Variants in KANSL1L observed in about 807,000 individuals in gnomAD.
KANSL1L encodes KAT8 regulatory NSL complex subunit 1 like.
Under a neutral mutation model 108.6 loss-of-function variants are expected in KANSL1L, and 25 were observed. The ratio of observed to expected loss-of-function variants is 0.23; its 90% CI spans 0.17 to 0.32. The LOEUF is 0.32. Ranked by LOEUF, KANSL1L falls within the 10% of genes least tolerant of loss-of-function variation. The probability of loss-of-function intolerance (pLI) is 1.00; values close to 1 mark genes in which losing one functional copy is unlikely to be tolerated. For missense variants in KANSL1L, 1,137 were observed against 1,125.7 expected (o/e 1.01, Z -0.14); for synonymous variants, 405 against 395.1 (o/e 1.03, Z -0.30).
intron 6 of KANSL1L, among the ~76,000 whole-genome samples, chr2:210,073,706 A>G (rs2094522916): frequency 1.3e-5 from 2 of 152,214 alleles, no homozygotes; most frequent in East Asian, 1.9e-4. Flanking sequence ...GAAAAAAAAG[A>G]AAGTTCTATG....
intron 12 of KANSL1L, chr2:210,026,519 A>C (rs890209380): frequency 6.6e-6 from 1 of 152,170 alleles, no homozygotes; most frequent in African/African-American, 2.4e-5. Context: ...AGAAACATTA[A>C]TGTCTGATTA....
At chr2:210,059,020 G>T (rs1165102627) in intron 6 of KANSL1L, among the ~76,000 whole-genome samples, 2 of 151,472 alleles carry the variant, frequency 1.3e-5, no homozygotes, top group Admixed American at 6.6e-5. Context: ...GAAATATCGG[G>T]GGTGAATTTT....
chr2:210,079,633 T>TAC (rs1489732367), intron 5 of KANSL1L, among the ~76,000 whole-genome samples: 2 of 6,482 alleles, frequency 3.1e-4, no homozygotes, highest in East Asian at 0.031. Context: ...TATATATATA[T>TAC]ATATATATAT....
chr2:210,097,190 C>T, intron 5 of KANSL1L: 6 of 890,448 alleles, frequency 6.7e-6, no homozygotes, highest in Non-Finnish European at 8.1e-6. Flanking sequence ...TGAAATCTGC[C>T]CACCTCAGCT....
At chr2:210,147,084 C>A (rs1057007381) in intron 2 of KANSL1L, among the ~76,000 whole-genome samples, 1 of 151,408 alleles carries the variant, frequency 6.6e-6, no homozygotes, top group African/African-American at 2.4e-5. Context: ...TCACGTTGCT[C>A]AAAAAAAAGC....
intron 6 of KANSL1L, among the ~76,000 whole-genome samples, chr2:210,058,046 C>CT (rs1257978540): frequency 2.0e-5 from 3 of 152,194 alleles, no homozygotes; most frequent in African/African-American, 7.2e-5. Flanking sequence ...ACCTTAAACT[C>CT]TGACTGCCAG....
At chr2:210,160,177 G>T (rs974557719) in intron 1 of KANSL1L, among the ~76,000 whole-genome samples, 2 of 152,094 alleles carry the variant, frequency 1.3e-5, no homozygotes, top group South Asian at 2.1e-4. Flanking sequence ...GAAGGAGAGG[G>T]AATGTCTTTA....
rs2093859809 is a variant in KANSL1L at position 210,021,768 on chromosome 2, C to A, written c.*1181G>T. ...AGTTATATAAATTGTCCTCAACTTT[C>A]ACATAGGAAAAAAATGGTTTAATAG... On this transcript the variant is annotated 3_prime_UTR_variant, in exon 15 of 15. Transcript: ENST00000281772. 1 of 151,758 alleles carries A rather than the reference C, an allele frequency of 6.6e-6. No individual in the cohort carries two copies. 9.4% of individuals were successfully genotyped at this position (151,758 alleles called of 1,614,324 possible). A position where few individuals can be genotyped will look rare whatever the true frequency, so the allele number is the denominator to read the frequency against.
chr2:210,164,735 A>G (rs2095377875), intron 1 of KANSL1L, among the ~76,000 whole-genome samples: 1 of 152,110 alleles, frequency 6.6e-6, no homozygotes, highest in African/African-American at 2.4e-5. Flanking sequence ...AAAATATATC[A>G]GTCCTCTTTC....
chr2:210,120,465 C>G (rs2095005380), intron 3 of KANSL1L, among the ~76,000 whole-genome samples: 1 of 152,024 alleles, frequency 6.6e-6, no homozygotes, highest in Non-Finnish European at 1.5e-5. Context: ...GAAACTGGAC[C>G]CCCTCCTTAC....
intron 6 of KANSL1L, among the ~76,000 whole-genome samples, chr2:210,052,915 A>G (rs1292105300): frequency 6.6e-6 from 1 of 152,246 alleles, no homozygotes; most frequent in Non-Finnish European, 1.5e-5. Context: ...TATTTCCTCA[A>G]TAGGAGTCCT....
In KANSL1L at chr2:210,043,809, G is replaced by A. The variant is rs1559510010; in HGVS notation, c.1921+130C>T. 5.7e-6 allele frequency: 3 copies of A among 522,486 alleles called. No individual in the cohort carries two copies. The East Asian group carries it at 9.7e-5, about 17-fold the overall frequency. 32.4% of individuals were successfully genotyped at this position (522,486 alleles called of 1,614,324 possible). A position where few individuals can be genotyped will look rare whatever the true frequency, so the allele number is the denominator to read the frequency against. ...CTCTACAACAAATTTAATTGTCAAG[G>A]CATTGCTTAGTTCTAATATCTACTG... On this transcript the variant is annotated intron_variant, in intron 7 of 14. Transcript: ENST00000281772.
In KANSL1L at chr2:210,058,832, G is replaced by A. The variant is rs2723217; in HGVS notation, c.1756-14728C>T. Among the ~76,000 whole-genome samples the A allele has an allele frequency of 6.3e-3, 475 of 75,190 alleles. 4 individuals are homozygous for A. Among genetic ancestry groups the A allele is most frequent in the African/African-American group, 0.024 (444 of 18,244 alleles). 49.3% of individuals were successfully genotyped at this position (75,190 alleles called of 152,430 possible). A position where few individuals can be genotyped will look rare whatever the true frequency, so the allele number is the denominator to read the frequency against. ...AGCCTGGGAGACAGAGCGAGACTCC[G>A]TCTCAAAAAAAAAAAAAAAAAAACC... On this transcript the variant is annotated intron_variant, in intron 6 of 14. Coordinates refer to ENST00000281772, the MANE Select transcript of KANSL1L (RefSeq NM_152519.4).
chr2:210,171,554 G>C (rs1688342721), upstream of KANSL1L: 1 of 152,544 alleles, frequency 6.6e-6, no homozygotes, highest in Non-Finnish European at 1.5e-5. Context: ...GCAGGAGCAC[G>C]ACTCCCTTAA....
At chr2:210,159,019 GTA>G (rs2095348119) in intron 1 of KANSL1L, among the ~76,000 whole-genome samples, 1 of 152,096 alleles carries the variant, frequency 6.6e-6, no homozygotes, top group African/African-American at 2.4e-5. Context: ...GTTAACTACT[GTA>G]TCCTCAACAT....
intron 5 of KANSL1L, chr2:210,096,669 A>T: frequency 1.0e-6 from 1 of 981,132 alleles, no homozygotes; most frequent in Non-Finnish European, 1.2e-6. Context: ...CTACATTATG[A>T]CTTTCCTAAT....
intron 2 of KANSL1L, among the ~76,000 whole-genome samples, chr2:210,141,211 TCTTTC>T (rs2125591971): frequency 6.6e-6 from 1 of 152,106 alleles, no homozygotes; most frequent in Non-Finnish European, 1.5e-5. Flanking sequence ...TTTTTTCTTT[TCTTTC>T]CTTTTTCTCT....
intron 3 of KANSL1L, among the ~76,000 whole-genome samples, chr2:210,124,145 A>C (rs1230687593): frequency 1.3e-5 from 2 of 152,194 alleles, no homozygotes; most frequent in African/African-American, 2.4e-5. Context: ...ACTACACAAT[A>C]AACCAACTAG....
chr2:210,029,004 G>A, intron 10 of KANSL1L, 35 bp from the exon 11 acceptor site: 1 of 1,553,346 alleles, frequency 6.4e-7, no homozygotes, highest in Non-Finnish European at 8.7e-7. Flanking sequence ...TTACAGTACT[G>A]TCTAGTTACT....
Sources: allele counts gnomAD v4.1 joint callset (sites outside exome capture counted in the v4.1 genomes callset), GRCh38; gene constraint gnomAD v4.1.1; transcripts MANE v1.5; gene names NCBI Gene and HGNC (gene_info 2026-07-23, HGNC 2026-07-21).